Variants in PXDNL observed in about 807,000 individuals in gnomAD.
PXDNL encodes the protein peroxidasin like, also known as probable oxidoreductase PXDNL.
A neutral mutation model predicts 150.8 loss-of-function variants in PXDNL; 145 were observed. The observed-to-expected ratio is 0.96, with a 90% confidence interval of 0.84 to 1.10. The LOEUF is 1.10. Among genes scored for constraint, PXDNL ranks in the 50% least tolerant of loss-of-function variants. The pLI, the probability that PXDNL is intolerant of heterozygous loss-of-function variation, is 0.00. For synonymous variants in PXDNL, 757 were observed against 725.7 expected (o/e 1.04, Z -0.69); for missense variants, 2,087 against 1,873.9 (o/e 1.11, Z -2.10).
intron 4 of PXDNL, among the ~76,000 whole-genome samples, chr8:51,516,005 G>A (rs557109367): frequency 2.3e-4 from 35 of 152,074 alleles, no homozygotes; most frequent in Admixed American, 7.8e-4. Context: ...TTTCAATTTC[G>A]AGTCATAACT....
chr8:51,705,990 A>T (rs999973032), intron 1 of PXDNL, among the ~76,000 whole-genome samples: 2 of 152,258 alleles, frequency 1.3e-5, no homozygotes, highest in African/African-American at 4.8e-5. Context: ...AATTTTCCAA[A>T]ACTGACAGAA....
At chr8:51,461,254 G>A (rs1810072623) in intron 8 of PXDNL, among the ~76,000 whole-genome samples, 1 of 152,236 alleles carries the variant, frequency 6.6e-6, no homozygotes. Flanking sequence ...ACTGAGAAGA[G>A]TGAAATGCAG....
intron 4 of PXDNL, among the ~76,000 whole-genome samples, chr8:51,516,359 T>A (rs1036881659): frequency 1.3e-5 from 2 of 152,216 alleles, no homozygotes; most frequent in Non-Finnish European, 1.5e-5. Flanking sequence ...AATTTTCACT[T>A]GGGCTGTAGA....
At position 51,474,864 on chromosome 8, in the gene PXDNL, T is replaced by A. The variant is rs563022664; in HGVS notation, c.694+108A>T. On this transcript the variant is annotated intron_variant, in intron 7 of 22. Coordinates refer to ENST00000356297, the MANE Select transcript of PXDNL (RefSeq NM_144651.5). ...CTTTTACCACATTCCTTAAAAACAC[T>A]TTCTGATAACACGTTCTTCTAAAAT... 1.7e-4 allele frequency: 157 copies of A among 948,450 alleles called. 2 individuals are homozygous for A. The African/African-American group carries it at 2.4e-3, about 15-fold the overall frequency. The allele number at this position is 948,450 out of a possible 1,614,324, so 58.8% of individuals were successfully genotyped here.
chr8:51,702,377 A>C (rs939939087), intron 1 of PXDNL, among the ~76,000 whole-genome samples: 1 of 152,160 alleles, frequency 6.6e-6, no homozygotes. Context: ...GTAAGAATTG[A>C]ATGAGAATAG....
Position 51,397,039 on chromosome 8 carries a change from G to T in PXDNL, c.3557+11028C>A, listed in dbSNP as rs151003663. On this transcript the variant is annotated intron_variant, in intron 17 of 22. Transcript: ENST00000356297. ...TGGTCTTCACACGTCTGTCATAAATGAACCCATATATACATTAGGTCTGAT... is the reference window on the plus strand; with the variant it reads ...TGGTCTTCACACGTCTGTCATAAATTAACCCATATATACATTAGGTCTGAT... 2.4e-3 allele frequency among the ~76,000 whole-genome samples: 364 copies of T among 152,282 alleles called. 2 individuals are homozygous for T. Among genetic ancestry groups the T allele is most frequent in the African/African-American group, 8.4e-3 (349 of 41,558 alleles).
At chr8:51,442,859 T>C (rs559931975) in intron 12 of PXDNL, among the ~76,000 whole-genome samples, 1 of 111,062 alleles carries the variant, frequency 9.0e-6, no homozygotes, top group Non-Finnish European at 2.3e-5. Flanking sequence ...ATTATCAAGA[T>C]TATGCTTGTT....
chr8:51,471,042 T>C (rs1416265264), intron 8 of PXDNL, among the ~76,000 whole-genome samples: 1 of 140,254 alleles, frequency 7.1e-6, no homozygotes, highest in Admixed American at 7.1e-5. Flanking sequence ...GTCATCAGAG[T>C]GAACAGGCAA....
intron 2 of PXDNL, among the ~76,000 whole-genome samples, chr8:51,609,570 G>T (rs1020179273): frequency 6.6e-6 from 1 of 152,206 alleles, no homozygotes. Flanking sequence ...GGTCAACATG[G>T]TGATAGAGAT....
chr8:51,677,967 T>C (rs1013921719), intron 1 of PXDNL, among the ~76,000 whole-genome samples: 1 of 152,174 alleles, frequency 6.6e-6, no homozygotes, highest in Admixed American at 6.5e-5. Context: ...CTGGAGTATG[T>C]GCTGAGTGAC....
intron 2 of PXDNL, among the ~76,000 whole-genome samples, chr8:51,602,134 G>A (rs188776690): frequency 2.2e-4 from 34 of 151,764 alleles, no homozygotes; most frequent in African/African-American, 6.8e-4. Flanking sequence ...ATTGATTTTG[G>A]ACAGTCTGGT....
intron 1 of PXDNL, among the ~76,000 whole-genome samples, chr8:51,779,047 C>T (rs749180184): frequency 7.2e-5 from 11 of 152,162 alleles, no homozygotes; most frequent in Non-Finnish European, 1.5e-4. Flanking sequence ...TTATGAAACA[C>T]TATATCCACT....
chr8:51,513,374 G>A (rs1358433923), intron 4 of PXDNL, among the ~76,000 whole-genome samples: 6 of 152,188 alleles, frequency 3.9e-5, no homozygotes, highest in East Asian at 3.9e-4. Context: ...GGGCCACCCC[G>A]AGCATGAAGG....
intron 17 of PXDNL, among the ~76,000 whole-genome samples, chr8:51,396,744 A>G (rs751073856): frequency 4.6e-5 from 7 of 152,144 alleles, no homozygotes; most frequent in Non-Finnish European, 7.3e-5. Flanking sequence ...GGCAACAAGA[A>G]TGAAACTCCG....
intron 6 of PXDNL, among the ~76,000 whole-genome samples, chr8:51,478,668 C>T (rs911572184): frequency 6.6e-6 from 1 of 152,194 alleles, no homozygotes; most frequent in Non-Finnish European, 1.5e-5. Flanking sequence ...CCGCTGGTTT[C>T]TCTGCCCTCA....
At chr8:51,536,681 G>A (rs1025132784) in intron 4 of PXDNL, among the ~76,000 whole-genome samples, 1 of 149,138 alleles carries the variant, frequency 6.7e-6, no homozygotes, top group Non-Finnish European at 1.5e-5. Context: ...TTCTTTCTTC[G>A]TAATATATCA....
chr8:51,696,818 C>G (rs1185364829), intron 1 of PXDNL, among the ~76,000 whole-genome samples: 1 of 438 alleles, frequency 2.3e-3, no homozygotes, highest in Admixed American at 0.036. Flanking sequence ...CACACACACA[C>G]ACACACACAC....
intron 1 of PXDNL, among the ~76,000 whole-genome samples, chr8:51,670,208 C>T (rs1277160101): frequency 6.6e-6 from 1 of 150,662 alleles, no homozygotes; most frequent in Non-Finnish European, 1.5e-5. Context: ...TGCACTCCAG[C>T]CTGAGCAACA....
intron 1 of PXDNL, among the ~76,000 whole-genome samples, chr8:51,753,730 A>C (rs975556539): frequency 1.3e-5 from 2 of 152,250 alleles, no homozygotes; most frequent in Non-Finnish European, 2.9e-5. Flanking sequence ...ATAACGGGAA[A>C]TAAACCTTGA....
Sources: allele counts gnomAD v4.1 joint callset (sites outside exome capture counted in the v4.1 genomes callset), GRCh38; gene constraint gnomAD v4.1.1; transcripts MANE v1.5; gene names NCBI Gene and HGNC (gene_info 2026-07-23, HGNC 2026-07-21).